The following ZNF429 variants were observed in gnomAD, a reference collection of about 807,000 sequenced individuals.
The protein encoded by ZNF429 is zinc finger protein 429.
Under a neutral mutation model 56.8 loss-of-function variants are expected in ZNF429, and 53 were observed. That is an observed-to-expected ratio of 0.93 (90% CI 0.75 to 1.17). The LOEUF is 1.17. Ranked by LOEUF, ZNF429 falls within the 50% of genes most tolerant of loss-of-function variation. The probability of loss-of-function intolerance (pLI) is 0.00; values close to 1 mark genes in which losing one functional copy is unlikely to be tolerated. For missense variants in ZNF429, 849 were observed against 788.4 expected, an observed-to-expected ratio of 1.08 and a Z score of -0.92; for synonymous variants, 278 against 264.7, an observed-to-expected ratio of 1.05 and a Z score of -0.49.
chr19:21,520,907 T>C (rs1015479563), intron 1 of ZNF429, among the ~76,000 whole-genome samples: 1 of 152,220 alleles, frequency 6.6e-6, no homozygotes, highest in Non-Finnish European at 1.5e-5. Context: ...TTTTCTATAA[T>C]AGTATGAATA....
In ZNF429 at chr19:21,530,097, A is replaced by G; in HGVS notation, c.130+313A>G. 3.4e-4 allele frequency among the ~76,000 whole-genome samples: 52 copies of G among 151,944 alleles called. 2 individuals carry two copies. In the South Asian group the frequency reaches 0.011, roughly 32 times the overall value. On this transcript the variant is annotated intron_variant, in intron 2 of 3. Coordinates refer to ENST00000358491, the MANE Select transcript of ZNF429 (RefSeq NM_001001415.4). ...TCCCAGCTACTCGGGAGGCTGAGGCAGGAGAATGGCGTGAACCCGGGAGGT... is the reference window on the plus strand; with the variant it reads ...TCCCAGCTACTCGGGAGGCTGAGGCGGGAGAATGGCGTGAACCCGGGAGGT...
chr19:21,537,837 G>A lies in ZNF429; in HGVS notation c.1784G>A (p.Cys595Tyr), dbSNP rs776866430. ...CATAGTGGAGAGAAACCCTACAAAT[G>A]TGAAGAATGTGGCAAAGCTTTTAAT... Reference protein sequence around the residue: ...KIHSGEKPYKCEECGKAFNRS... With the variant: ...KIHSGEKPYKYEECGKAFNRS... The change falls in exon 4 of 4, where the codon TGT becomes TAT. Residue 595 changes from cysteine to tyrosine, a missense_variant. Transcript: ENST00000358491. The A allele has an allele frequency of 1.2e-6, 2 of 1,613,700 alleles. No homozygotes were observed. The highest frequency in any genetic ancestry group is 1.7e-6 in the Non-Finnish European group (2 of 1,180,012).
chr19:21,528,013 T>G (rs537483930), intron 1 of ZNF429, among the ~76,000 whole-genome samples: 1 of 152,310 alleles, frequency 6.6e-6, no homozygotes, highest in South Asian at 2.1e-4. Context: ...AAAATTCTTA[T>G]GATAGTCAAG....
intron 1 of ZNF429, chr19:21,518,966 A>G (rs2032885264): frequency 6.6e-6 from 1 of 152,216 alleles, no homozygotes; most frequent in African/African-American, 2.4e-5. Flanking sequence ...TGCGTGGTCA[A>G]TTTTAGAGTA....
chr19:21,520,647 C>G (rs2032956062), intron 1 of ZNF429, among the ~76,000 whole-genome samples: 1 of 152,094 alleles, frequency 6.6e-6, no homozygotes, highest in Admixed American at 6.5e-5. Flanking sequence ...TAAGAGTACA[C>G]AAAAGTTGAG....
Position 21,537,365 on chromosome 19 carries a change from T to C in ZNF429, c.1312T>C (p.Ser438Pro). 6.2e-7 allele frequency: 1 copy of C among 1,613,712 alleles called. No homozygotes were observed. The highest frequency in any genetic ancestry group is 8.5e-7 in the Non-Finnish European group (1 of 1,179,850). The change falls in exon 4 of 4, where the codon TCT becomes CCT. Residue 438 changes from serine (S) to proline (P), a missense_variant. Coordinates refer to ENST00000358491, the MANE Select transcript of ZNF429 (RefSeq NM_001001415.4). ...EECGKVFTYSSTLTRHKRIHT... is the reference protein window; with the variant it reads ...EECGKVFTYSPTLTRHKRIHT... Reference sequence around the variant, plus strand: ...ATGTGGCAAAGTTTTTACCTATTCCTCTACACTTACTAGACATAAGAGAAT... The same window carrying C: ...ATGTGGCAAAGTTTTTACCTATTCCCCTACACTTACTAGACATAAGAGAAT...
chr19:21,511,921 A>G (rs957968114), intron 1 of ZNF429, among the ~76,000 whole-genome samples: 10 of 152,176 alleles, frequency 6.6e-5, no homozygotes, highest in African/African-American at 2.4e-4. Flanking sequence ...CCAAAAAAAT[A>G]CGAAAACCAG....
rs767119033 is a variant in ZNF429, at chr19:21,511,142, T to C, written c.3+5368T>C. On this transcript the variant is annotated intron_variant, in intron 1 of 3. Coordinates refer to ENST00000358491, the MANE Select transcript of ZNF429 (RefSeq NM_001001415.4). ...TGGCCGGGCAGAGGGGCTCCTCACT[T>C]CCCAGAAGGGGCGGCCAGGCAGAGG... 1.6e-3 allele frequency among the ~76,000 whole-genome samples: 247 copies of C among 152,024 alleles called. 1 individual carries two copies. Among genetic ancestry groups the C allele is most frequent in the Non-Finnish European group, 2.7e-3 (186 of 67,938 alleles).
intron 1 of ZNF429, among the ~76,000 whole-genome samples, chr19:21,511,946 G>A (rs559011483): frequency 7.0e-4 from 106 of 152,220 alleles, no homozygotes; most frequent in African/African-American, 2.4e-3. Flanking sequence ...GCGTGGCGGT[G>A]CGCGCCTGGA....
At chr19:21,535,406 TTTTTCTTTTCTTTCTTTCTTTCTTTC>T in intron 3 of ZNF429, among the ~76,000 whole-genome samples, 1 of 18,660 alleles carries the variant, frequency 5.4e-5, no homozygotes, top group South Asian at 1.8e-3. Context: ...TCTTTCTTTC[TTTTTCTTTTCTTTCTTTCTTTCTTTC>T]TTTCTTTCTT....
In ZNF429 at chr19:21,538,305, G is replaced by GA. The variant is rs2033804743; in HGVS notation, c.*231dup. Reference sequence around the variant, plus strand: ...AAAAAAAAAAAAAAAAAAAAGAAAAGAAAATTCATAGGCCAGGTATGGTGG... The same window carrying GA: ...AAAAAAAAAAAAAAAAAAAAGAAAAGAAAAATTCATAGGCCAGGTATGGTGG... On this transcript the variant is annotated 3_prime_UTR_variant, in exon 4 of 4. Coordinates refer to ENST00000358491, the MANE Select transcript of ZNF429 (RefSeq NM_001001415.4). Among the ~76,000 whole-genome samples, 5 of 93,794 alleles carry GA rather than the reference G, an allele frequency of 5.3e-5. No homozygotes were observed. The highest frequency in any genetic ancestry group is 1.1e-4 in the Non-Finnish European group (5 of 44,694). 61.5% of individuals were successfully genotyped at this position (93,794 alleles called of 152,430 possible). A position where few individuals can be genotyped will look rare whatever the true frequency, so the allele number is the denominator to read the frequency against.
At chr19:21,519,515 C>A (rs562299702) in intron 1 of ZNF429, among the ~76,000 whole-genome samples, 1 of 152,308 alleles carries the variant, frequency 6.6e-6, no homozygotes, top group East Asian at 1.9e-4. Flanking sequence ...GAGTTATAAA[C>A]CTGTCATAGT....
rs1019606224 is a variant in ZNF429 at position 21,538,572 on chromosome 19, C to G, written c.*494C>G. 2 of 152,046 alleles carry G rather than the reference C, an allele frequency of 1.3e-5. No individual in the cohort carries two copies. Among genetic ancestry groups the G allele is most frequent in the Non-Finnish European group, 2.9e-5 (2 of 68,086 alleles). 9.4% of individuals were successfully genotyped at this position (152,046 alleles called of 1,614,324 possible). A position where few individuals can be genotyped will look rare whatever the true frequency, so the allele number is the denominator to read the frequency against. On this transcript the variant is annotated 3_prime_UTR_variant, in exon 4 of 4. Coordinates refer to ENST00000358491, the MANE Select transcript of ZNF429 (RefSeq NM_001001415.4). ...CTGAGATCACGCCACTACACTCCAG[C>G]CTGGATGACAAAACAAGACTCTGTC...
chr19:21,529,658 G>T lies in ZNF429; in HGVS notation c.4G>T (p.Gly2Ter). 6.4e-7 allele frequency: 1 copy of T among 1,567,010 alleles called. No individual in the cohort carries two copies. Among genetic ancestry groups the T allele is most frequent in the Admixed American group, 1.8e-5 (1 of 56,056 alleles). M[G>*]PLTFTDVAIE... ...TTCTGTTGGTGTGTGTGTGTTTCAG[G>T]GACCATTGACATTTACAGATGTGGC... Residue 2 changes from glycine to a stop codon, truncating the protein, a stop_gained and splice_region_variant, in exon 2 of 4, where the codon GGA becomes TGA. Transcript: ENST00000358491. LOFTEE classifies it high-confidence loss of function.
At chr19:21,513,540 C>G (rs566293292) in intron 1 of ZNF429, among the ~76,000 whole-genome samples, 47 of 152,270 alleles carry the variant, frequency 3.1e-4, no homozygotes, top group African/African-American at 1.1e-3. Context: ...ATCTGGGTCT[C>G]TGCTGACTCT....
Position 21,538,368 on chromosome 19 carries a change from G to A in ZNF429, c.*290G>A, listed in dbSNP as rs921836108. On this transcript the variant is annotated 3_prime_UTR_variant, in exon 4 of 4. Transcript: ENST00000358491. ...TGTAATCCCAGCACTTTGGGAGGCC[G>A]AGGCGGGTGGATCACGAGGTCAGGA... is the stretch of plus-strand genomic sequence containing the variant. Among the ~76,000 whole-genome samples the A allele has an allele frequency of 1.1e-4, 17 of 151,608 alleles. No individual in the cohort carries two copies. In the East Asian group the frequency reaches 1.2e-3, roughly 10 times the overall value.
chr19:21,511,677 C>T (rs557227419), intron 1 of ZNF429, among the ~76,000 whole-genome samples: 36 of 151,644 alleles, frequency 2.4e-4, no homozygotes, highest in African/African-American at 7.0e-4. Context: ...GACGGGGTGG[C>T]GGCCGGGCAG....
chr19:21,525,807 G>A (rs78798187), intron 1 of ZNF429, among the ~76,000 whole-genome samples: 1 of 122,282 alleles, frequency 8.2e-6, no homozygotes, highest in Non-Finnish European at 1.7e-5. Flanking sequence ...CCTCTCATCT[G>A]TCTATATTTA....
intron 3 of ZNF429, among the ~76,000 whole-genome samples, chr19:21,532,705 T>A: frequency 6.6e-6 from 1 of 152,028 alleles, no homozygotes; most frequent in African/African-American, 2.4e-5. Flanking sequence ...AGGATTTTTT[T>A]TTTTTTTTTG....
Sources: gnomAD v4.1 joint callset for allele counts (sites outside exome capture counted in the v4.1 genomes callset) on GRCh38, gnomAD v4.1.1 for gene constraint, MANE v1.5 for transcripts, NCBI Gene and HGNC (gene_info 2026-07-23, HGNC 2026-07-21) for gene names.